Variants in KDM4C observed in about 807,000 individuals in gnomAD.
KDM4C encodes the protein lysine demethylase 4C, also known as lysine-specific demethylase 4C.
Under a neutral mutation model 129.3 loss-of-function variants are expected in KDM4C, and 81 were observed. The observed-to-expected ratio is 0.63, with a 90% CI of 0.52 to 0.75. KDM4C has a LOEUF of 0.75. Ranked by LOEUF, KDM4C falls within the 30% of genes least tolerant of loss-of-function variation. KDM4C has a pLI of 0.00. For missense variants in KDM4C, 1,457 were observed against 1,304.0 expected (o/e 1.12, Z -1.81); for synonymous variants, 573 against 456.1 (o/e 1.26, Z -3.26).
chr9:7,135,801 C>A (rs754499225), intron 19 of KDM4C, among the ~76,000 whole-genome samples: 3 of 152,214 alleles, frequency 2.0e-5, no homozygotes, highest in African/African-American at 4.8e-5. Context: ...TCGGTGTCTA[C>A]ACTTTGAGGT....
At chr9:6,968,139 A>C (rs1446044570) in intron 8 of KDM4C, among the ~76,000 whole-genome samples, 1 of 152,170 alleles carries the variant, frequency 6.6e-6, no homozygotes, top group African/African-American at 2.4e-5. Context: ...CAAAAGTAAG[A>C]ACTAAGATAG....
At chr9:6,859,094 A>G (rs1720474862) in intron 5 of KDM4C, among the ~76,000 whole-genome samples, 1 of 152,154 alleles carries the variant, frequency 6.6e-6, no homozygotes, top group Admixed American at 6.5e-5. Context: ...GGTTTGAACA[A>G]GGTTGTAAAG....
chr9:6,969,472 T>A (rs747308175), intron 8 of KDM4C, among the ~76,000 whole-genome samples: 3 of 152,200 alleles, frequency 2.0e-5, no homozygotes, highest in Non-Finnish European at 4.4e-5. Context: ...TGAATTGTTT[T>A]GAACACATGT....
chr9:6,877,957 A>G (rs1843821789), intron 5 of KDM4C, among the ~76,000 whole-genome samples: 1 of 152,230 alleles, frequency 6.6e-6, no homozygotes, highest in Admixed American at 6.5e-5. Context: ...CTTTGTCATT[A>G]TTTAAATACT....
chr9:7,160,331 G>C (rs1393032529), intron 19 of KDM4C, among the ~76,000 whole-genome samples: 9 of 152,146 alleles, frequency 5.9e-5, no homozygotes, highest in Admixed American at 5.9e-4. Flanking sequence ...AGCCTATTCT[G>C]TCAACTCGTC....
At chr9:6,790,194 G>A (rs950171274) in intron 1 of KDM4C, among the ~76,000 whole-genome samples, 8 of 151,262 alleles carry the variant, frequency 5.3e-5, no homozygotes, top group African/African-American at 9.7e-5. Context: ...GTGAGCCACC[G>A]CGCCTGGCCA....
At chr9:6,960,748 A>G (rs965307117) in intron 8 of KDM4C, among the ~76,000 whole-genome samples, 1 of 152,166 alleles carries the variant, frequency 6.6e-6, no homozygotes, top group Non-Finnish European at 1.5e-5. Context: ...CTCTTTCTCC[A>G]AGTTGCTTAG....
intron 4 of KDM4C, among the ~76,000 whole-genome samples, chr9:6,817,195 G>GCCCCCCCCCC (rs35527694): frequency 1.9e-5 from 1 of 53,254 alleles, no homozygotes; most frequent in Non-Finnish European, 3.2e-5. Context: ...CCCTCCCCCT[G>GCCCCCCCCCC]CCCCCCCCCC....
intron 2 of KDM4C, among the ~76,000 whole-genome samples, chr9:6,802,076 G>T (rs915944834): frequency 6.7e-6 from 1 of 150,176 alleles, no homozygotes; most frequent in Non-Finnish European, 1.5e-5. Flanking sequence ...TTGCACTCCA[G>T]CCTGGGGAAC....
chr9:7,076,160 T>A (rs930669066), intron 17 of KDM4C, among the ~76,000 whole-genome samples: 2 of 151,912 alleles, frequency 1.3e-5, no homozygotes, highest in African/African-American at 4.8e-5. Flanking sequence ...CCTACTGTAA[T>A]AAACCAACAG....
intron 8 of KDM4C, chr9:6,941,864 C>T: frequency 6.6e-6 from 1 of 152,176 alleles, no homozygotes. Context: ...CTCTCTCTCT[C>T]TTGTGTGTGT....
intron 17 of KDM4C, among the ~76,000 whole-genome samples, chr9:7,102,146 C>G (rs1837162402): frequency 6.6e-6 from 1 of 152,040 alleles, no homozygotes; most frequent in Admixed American, 6.5e-5. Flanking sequence ...AAGCCACATC[C>G]TCAACCTCCA....
chr9:6,942,903 G>C (rs780566332), intron 8 of KDM4C, among the ~76,000 whole-genome samples: 61 of 152,108 alleles, frequency 4.0e-4, no homozygotes, highest in Non-Finnish European at 7.4e-4. Context: ...GCTTTACTCT[G>C]TCACCTCGGC....
intron 1 of KDM4C, chr9:6,724,069 G>A (rs541793939): frequency 5.9e-5 from 9 of 152,294 alleles, no homozygotes; most frequent in African/African-American, 2.2e-4. Context: ...CAGAAGGAAG[G>A]GAGGAGAGGG....
At chr9:6,855,326 G>A (rs1390807369) in intron 5 of KDM4C, among the ~76,000 whole-genome samples, 4 of 151,914 alleles carry the variant, frequency 2.6e-5, no homozygotes, top group East Asian at 1.9e-4. Flanking sequence ...GGGCATGGTG[G>A]TGCATGACTG....
Position 7,049,197 on chromosome 9 carries a change from A to G in KDM4C, c.2421A>G (p.Lys807=). ...DVGRIPLQRL[K]LKCIFCRHRV... Reference sequence around the variant, plus strand: ...GCAGAATACCTTTACAGAGGTTAAAATTGGTGAGTGGCAAAGCTTCTTTTT... The same window carrying G: ...GCAGAATACCTTTACAGAGGTTAAAGTTGGTGAGTGGCAAAGCTTCTTTTT... The change falls in exon 17 of 22, where the codon AAA becomes AAG. Residue 807 remains lysine (K), a synonymous_variant. Coordinates refer to ENST00000381309, the MANE Select transcript of KDM4C (RefSeq NM_015061.6). 1 of 1,552,838 alleles carries G rather than the reference A, an allele frequency of 6.4e-7. No individual in the cohort carries two copies. Among genetic ancestry groups the G allele is most frequent in the Non-Finnish European group, 8.9e-7 (1 of 1,128,698 alleles).
rs757145278 is a variant in KDM4C at position 7,165,262 on chromosome 9, C to T, written c.2806C>T (p.Pro936Ser). ...IVSRDCLKLGPPAEGEVVQVK... is the reference protein window; with the variant it reads ...IVSRDCLKLGSPAEGEVVQVK... ...GAGCCGAGACTGTCTGAAGCTGGGC[C>T]CACCTGCTGAGGGAGAAGTCGTCCA... is the stretch of plus-strand genomic sequence containing the variant. Residue 936 changes from proline to serine, a missense_variant, in exon 20 of 22, where the codon CCA becomes TCA. Transcript: ENST00000381309. 3 of 1,614,094 alleles carry T rather than the reference C, an allele frequency of 1.9e-6. No homozygotes were observed. Among genetic ancestry groups the T allele is most frequent in the Non-Finnish European group, 2.5e-6 (3 of 1,180,004 alleles).
At chr9:6,746,412 G>A (rs1209492874) in intron 1 of KDM4C, among the ~76,000 whole-genome samples, 2 of 150,908 alleles carry the variant, frequency 1.3e-5, no homozygotes, top group African/African-American at 2.4e-5. Context: ...GGGACTACAG[G>A]CGCTCGCCAC....
Position 6,839,968 on chromosome 9 carries a change from A to T in KDM4C, c.436-9539A>T, listed in dbSNP as rs145839570. On this transcript the variant is annotated intron_variant, in intron 4 of 21. Transcript: ENST00000381309. ...CACCATGTCACAATGCTGAAATATA[A>T]AAATGAGACCAATTCCAGTATTTAT... Among the ~76,000 whole-genome samples, 793 of 152,168 alleles carry T rather than the reference A, an allele frequency of 5.2e-3. 10 individuals are homozygous for T. Among genetic ancestry groups the T allele is most frequent in the African/African-American group, 0.018 (760 of 41,518 alleles).
Sources: allele counts gnomAD v4.1 joint callset (sites outside exome capture counted in the v4.1 genomes callset), GRCh38; gene constraint gnomAD v4.1.1; transcripts MANE v1.5; gene names NCBI Gene and HGNC (gene_info 2026-07-23, HGNC 2026-07-21).